The following PARD3 variants were observed in gnomAD, a reference collection of about 807,000 sequenced individuals.
PARD3 encodes the protein par-3 family cell polarity regulator, also known as partitioning defective 3 homolog.
Under a neutral mutation model 155.4 loss-of-function variants are expected in PARD3, and 75 were observed. The observed-to-expected ratio is 0.48, with a 90% confidence interval of 0.40 to 0.58. The LOEUF is 0.58. Among genes scored for constraint, PARD3 ranks in the 20% least tolerant of loss-of-function variants. PARD3 has a pLI of 0.00. For missense variants in PARD3, 1,642 were observed against 1,721.7 expected, an observed-to-expected ratio of 0.95 and a Z score of 0.82; for synonymous variants, 576 against 610.5, an observed-to-expected ratio of 0.94 and a Z score of 0.83.
chr10:34,220,732 C>A (rs1952236404), intron 22 of PARD3, among the ~76,000 whole-genome samples: 1 of 152,154 alleles, frequency 6.6e-6, no homozygotes, highest in Admixed American at 6.5e-5. Flanking sequence ...CACTTCTCAG[C>A]ACATAGTTGG....
At chr10:34,371,486 C>CAAAAAAAAAAAAAAAAAAAAAAAA (rs968034029) in intron 12 of PARD3, among the ~76,000 whole-genome samples, 1 of 22,724 alleles carries the variant, frequency 4.4e-5, no homozygotes, top group African/African-American at 1.4e-4. Context: ...ATTCTAGACT[C>CAAAAAAAAAAAAAAAAAAAAAAAA]AAAAAAAAAA....
At chr10:34,329,975 T>A (rs1291840367) in intron 19 of PARD3, among the ~76,000 whole-genome samples, 1 of 152,174 alleles carries the variant, frequency 6.6e-6, no homozygotes, top group Non-Finnish European at 1.5e-5. Context: ...CTTAAAACTC[T>A]TCTTCCCACG....
At chr10:34,172,826 C>A (rs1349556302) in intron 22 of PARD3, among the ~76,000 whole-genome samples, 1 of 149,432 alleles carries the variant, frequency 6.7e-6, no homozygotes, top group South Asian at 2.1e-4. Flanking sequence ...TAAAAAGGTA[C>A]AGATAATTGC....
At chr10:34,580,652 C>T (rs929605882) in intron 2 of PARD3, among the ~76,000 whole-genome samples, 3 of 152,180 alleles carry the variant, frequency 2.0e-5, no homozygotes, top group African/African-American at 7.2e-5. Flanking sequence ...TGGCTGTGGG[C>T]CATAAAACAT....
rs1366274554 is a variant in PARD3 at position 34,796,091 on chromosome 10, C to T, written c.120+18785G>A. ...GTGCCTCATCTGTTAAATTCCCATG[C>T]TAATCTAAGTTCCATGGAAAAGCTA... On this transcript the variant is annotated intron_variant, in intron 1 of 24. Coordinates refer to ENST00000374788, the MANE Select transcript of PARD3 (RefSeq NM_001184785.2). Among the ~76,000 whole-genome samples, 4 of 152,084 alleles carry T rather than the reference C, an allele frequency of 2.6e-5. No homozygotes were observed. The East Asian group carries it at 5.8e-4, about 22-fold the overall frequency.
chr10:34,335,289 C>CAT (rs1273941256), intron 18 of PARD3, among the ~76,000 whole-genome samples: 5 of 151,930 alleles, frequency 3.3e-5, no homozygotes, highest in African/African-American at 4.8e-5. Context: ...ATAATTTTTA[C>CAT]ATATATATAT....
At chr10:34,625,066 C>G (rs1033979655) in intron 2 of PARD3, among the ~76,000 whole-genome samples, 1 of 152,306 alleles carries the variant, frequency 6.6e-6, no homozygotes, top group South Asian at 2.1e-4. Context: ...GACCTTCTTC[C>G]ATATAACTGA....
rs535206757 is a variant in PARD3 at position 34,452,828 on chromosome 10, A to T, written c.583-2380T>A. On this transcript the variant is annotated intron_variant, in intron 4 of 24. Transcript: ENST00000374788. ...GAAACTGAGCTCCCTATTTTGACTCAGGCACCATTCCCTAAAACATTTAGA... is the reference window on the plus strand; with the variant it reads ...GAAACTGAGCTCCCTATTTTGACTCTGGCACCATTCCCTAAAACATTTAGA... 6.7e-4 allele frequency among the ~76,000 whole-genome samples: 102 copies of T among 152,306 alleles called. 1 individual carries two copies. The South Asian group carries it at 7.5e-3, about 11-fold the overall frequency.
At chr10:34,160,591 T>C (rs976492284) in intron 22 of PARD3, among the ~76,000 whole-genome samples, 1 of 152,354 alleles carries the variant, frequency 6.6e-6, no homozygotes, top group Middle Eastern at 3.4e-3. Flanking sequence ...CAGACTGTGT[T>C]CTTGCATTAA....
chr10:34,597,199 G>A (rs990435629), intron 2 of PARD3, among the ~76,000 whole-genome samples: 2 of 152,148 alleles, frequency 1.3e-5, no homozygotes, highest in Admixed American at 6.5e-5. Context: ...TGGCAGGACC[G>A]GCATGGCAGC....
At chr10:34,806,596 T>A (rs10827428) in intron 1 of PARD3, among the ~76,000 whole-genome samples, 53,804 of 152,000 alleles carry the variant, frequency 0.35, 10,680 homozygotes, top group African/African-American at 0.55. Context: ...TTCCCAAAGC[T>A]CTGGGATTAC....
rs141362686 is a variant in PARD3 at position 34,348,526 on chromosome 10, A to G, written c.2068-411T>C. Reference sequence around the variant, plus strand: ...AGAATGGAAGCTGCAATTTAGCTATAGGTCTTAAACTTATGGTATGTAAAT... The same window carrying G: ...AGAATGGAAGCTGCAATTTAGCTATGGGTCTTAAACTTATGGTATGTAAAT... On this transcript the variant is annotated intron_variant, in intron 14 of 24. Coordinates refer to ENST00000374788, the MANE Select transcript of PARD3 (RefSeq NM_001184785.2). Among the ~76,000 whole-genome samples, 1,179 of 152,328 alleles carry G rather than the reference A, an allele frequency of 7.7e-3. 18 individuals carry two copies. The highest frequency in any genetic ancestry group is 0.027 in the African/African-American group (1,116 of 41,570).
chr10:34,284,878 T>C (rs1479047821), intron 20 of PARD3, among the ~76,000 whole-genome samples: 2 of 152,178 alleles, frequency 1.3e-5, no homozygotes, highest in Admixed American at 6.5e-5. Flanking sequence ...GACTTATAAA[T>C]CCACATCTGA....
chr10:34,688,764 A>G (rs185281301), intron 2 of PARD3, among the ~76,000 whole-genome samples: 4 of 152,330 alleles, frequency 2.6e-5, no homozygotes, highest in African/African-American at 7.2e-5. Flanking sequence ...GTTAATAATT[A>G]AAGGATAATG....
intron 2 of PARD3, among the ~76,000 whole-genome samples, chr10:34,672,107 G>A (rs535794620): frequency 6.4e-4 from 98 of 152,156 alleles, no homozygotes; most frequent in African/African-American, 2.2e-3. Flanking sequence ...GTTCGAGGCT[G>A]CAGTGAGCCA....
chr10:34,787,657 G>A (rs7089614), intron 1 of PARD3, among the ~76,000 whole-genome samples: 1,862 of 152,184 alleles, frequency 0.012, 49 homozygotes, highest in African/African-American at 0.043. Context: ...CAAATTACAT[G>A]TGTATGTCTT....
At position 34,160,221 on chromosome 10, in the gene PARD3, A is replaced by G. The variant is rs971337409; in HGVS notation, c.3420-28638T>C. Among the ~76,000 whole-genome samples, 5 of 152,360 alleles carry G rather than the reference A, an allele frequency of 3.3e-5. No homozygotes were observed. In the South Asian group the frequency reaches 1.0e-3, roughly 32 times the overall value. ...GTTATCATTCGAATGCACTGTTAAGAAGGCAGGGAATCATTAAATCCTAAA... is the reference window on the plus strand; with the variant it reads ...GTTATCATTCGAATGCACTGTTAAGGAGGCAGGGAATCATTAAATCCTAAA... On this transcript the variant is annotated intron_variant, in intron 22 of 24. Transcript: ENST00000374788.
In PARD3 at chr10:34,665,859, A is replaced by AC. The variant is rs1564479700; in HGVS notation, c.222+30458dup. ...CAATTAAAGAACAGAACAGAACAGA[A>AC]CAGAACAGAACAGAACAGAACAGAA... On this transcript the variant is annotated intron_variant, in intron 2 of 24. Coordinates refer to ENST00000374788, the MANE Select transcript of PARD3 (RefSeq NM_001184785.2). Among the ~76,000 whole-genome samples the AC allele has an allele frequency of 6.1e-4, 89 of 146,912 alleles. 1 individual carries two copies. Among genetic ancestry groups the AC allele is most frequent in the African/African-American group, 2.3e-3 (86 of 38,044 alleles).
At chr10:34,721,341 G>A (rs1031903627) in intron 1 of PARD3, among the ~76,000 whole-genome samples, 3 of 152,198 alleles carry the variant, frequency 2.0e-5, no homozygotes, top group African/African-American at 2.4e-5. Context: ...AAAGAGTTGT[G>A]GAGCGAACAG....
Sources: allele counts gnomAD v4.1 joint callset (sites outside exome capture counted in the v4.1 genomes callset), GRCh38; gene constraint gnomAD v4.1.1; transcripts MANE v1.5; gene names NCBI Gene and HGNC (gene_info 2026-07-23, HGNC 2026-07-21).